Variants in ZNF267 observed in about 807,000 individuals in gnomAD.
The protein encoded by ZNF267 is zinc finger protein 267.
Under a neutral mutation model 71.6 loss-of-function variants are expected in ZNF267, and 61 were observed. The ratio of observed to expected loss-of-function variants is 0.85; its 90% confidence interval spans 0.69 to 1.05. The LOEUF (loss-of-function observed/expected upper bound fraction) is 1.05. ZNF267 is among the 50% of genes least tolerant of loss of function. The probability of loss-of-function intolerance (pLI) is 0.00; values close to 1 mark genes in which losing one functional copy is unlikely to be tolerated. For missense variants in ZNF267, 852 were observed against 870.0 expected, an observed-to-expected ratio of 0.98 and a Z score of 0.26; for synonymous variants, 288 against 293.2, an observed-to-expected ratio of 0.98 and a Z score of 0.18.
Position 31,914,441 on chromosome 16 carries a change from G to A in ZNF267, c.227-35G>A, listed in dbSNP as rs767167857. The stretch of plus-strand genomic sequence containing the variant: ...TGTAAAATATATGTACCTGAATATA[G>A]TAATTGGAATTCTTAAAATTTTTAT... On this transcript the variant is annotated intron_variant, in intron 3 of 3. Coordinates refer to ENST00000300870, the MANE Select transcript of ZNF267 (RefSeq NM_003414.6). 20 of 1,500,622 alleles carry A rather than the reference G, an allele frequency of 1.3e-5. No individual in the cohort carries two copies. The Admixed American group carries it at 4.5e-4, about 34-fold the overall frequency. 93.0% of individuals were successfully genotyped at this position (1,500,622 alleles called of 1,614,324 possible).
intron 1 of ZNF267, 39 bp downstream of exon 1, chr16:31,874,008 G>A (rs1489941534): frequency 6.2e-7 from 1 of 1,600,674 alleles, no homozygotes; most frequent in Non-Finnish European, 8.5e-7. Context: ...AGGGAGGGAG[G>A]GCGGTGGTCG....
At chr16:31,904,806 G>A (rs906686024) in intron 3 of ZNF267, among the ~76,000 whole-genome samples, 2 of 152,152 alleles carry the variant, frequency 1.3e-5, no homozygotes, top group Non-Finnish European at 2.9e-5. Flanking sequence ...ATATTCTTAT[G>A]TGTGAATTTG....
chr16:31,897,153 A>C (rs2084005513), intron 3 of ZNF267, among the ~76,000 whole-genome samples: 1 of 138,486 alleles, frequency 7.2e-6, no homozygotes, highest in Non-Finnish European at 1.6e-5. Context: ...AAAACAAAAC[A>C]AAACAAAAAA....
chr16:31,894,728 ATAG>A (rs1269810073), intron 3 of ZNF267: 1 of 481,276 alleles, frequency 2.1e-6, no homozygotes, highest in African/African-American at 2.0e-5. Flanking sequence ...AAATGCTCTA[ATAG>A]TAGCCTGGTG....
chr16:31,892,714 C>A (rs781261236), intron 3 of ZNF267, among the ~76,000 whole-genome samples: 1 of 152,194 alleles, frequency 6.6e-6, no homozygotes, highest in Non-Finnish European at 1.5e-5. Context: ...GCAGGGCAGT[C>A]AAATCTTAAA....
At chr16:31,886,171 C>T (rs1180229742) in intron 3 of ZNF267, among the ~76,000 whole-genome samples, 1 of 152,136 alleles carries the variant, frequency 6.6e-6, no homozygotes, top group Non-Finnish European at 1.5e-5. Flanking sequence ...ATTTGATATA[C>T]ATACACATTG....
intron 3 of ZNF267, among the ~76,000 whole-genome samples, chr16:31,893,174 C>G (rs2083973174): frequency 6.6e-6 from 1 of 152,256 alleles, no homozygotes; most frequent in Non-Finnish European, 1.5e-5. Context: ...CACGTGAAAG[C>G]TGCCAAGGCT....
chr16:31,901,131 C>T (rs1184634555), intron 3 of ZNF267, among the ~76,000 whole-genome samples: 1 of 152,028 alleles, frequency 6.6e-6, no homozygotes, highest in Non-Finnish European at 1.5e-5. Context: ...GACATGAACT[C>T]ATCATTTTTT....
In ZNF267 at chr16:31,915,169, C is replaced by A; in HGVS notation, c.920C>A (p.Ser307Ter). The change falls in exon 4 of 4, where the codon TCA becomes TAA. Residue 307 changes from serine to a stop codon, truncating the protein, a stop_gained. Transcript: ENST00000300870. LOFTEE classifies it high-confidence loss of function. ...YNKYDKDLSQ[S>*]SNLRKQIIHN... is the part of the protein sequence containing the mutation. ...AAATATGATAAAGATCTTAGTCAGTCATCAAATCTTAGAAAGCAGATAATC... is the reference window on the plus strand; with the variant it reads ...AAATATGATAAAGATCTTAGTCAGTAATCAAATCTTAGAAAGCAGATAATC... 6.2e-7 allele frequency: 1 copy of A among 1,612,812 alleles called. No homozygotes were observed. The highest frequency in any genetic ancestry group is 1.1e-5 in the South Asian group (1 of 90,774).
intron 3 of ZNF267, among the ~76,000 whole-genome samples, chr16:31,905,463 T>G (rs1243500906): frequency 6.6e-6 from 1 of 152,190 alleles, no homozygotes; most frequent in Non-Finnish European, 1.5e-5. Context: ...AATCCCATAT[T>G]TCTTGGAGGC....
chr16:31,916,108 T>C lies in ZNF267; in HGVS notation c.1859T>C (p.Ile620Thr), dbSNP rs1326494603. ...GKAFSYSSDV[I>T]QHRRIHTGQR... is the part of the protein sequence containing the mutation. ...GCCTTTAGTTATAGTTCAGATGTTA[T>C]TCAGCATCGGAGAATTCATACTGGC... is the stretch of plus-strand genomic sequence containing the variant. Residue 620 changes from isoleucine (I) to threonine (T), a missense_variant, in exon 4 of 4, where the codon ATT becomes ACT. By Grantham distance (89) the Ile-to-Thr change is moderately conservative. Coordinates refer to ENST00000300870, the MANE Select transcript of ZNF267 (RefSeq NM_003414.6). 23 of 1,613,976 alleles carry C rather than the reference T, an allele frequency of 1.4e-5. No individual in the cohort carries two copies. The highest frequency in any genetic ancestry group is 1.8e-5 in the Non-Finnish European group (21 of 1,180,016).
intron 2 of ZNF267, 39 bp from the exon 3 acceptor site, chr16:31,885,122 C>T (rs2083914995): frequency 6.7e-7 from 1 of 1,501,104 alleles, no homozygotes; most frequent in African/African-American, 1.4e-5. Context: ...ATAAAAAGAA[C>T]CCTCATTAAG....
intron 3 of ZNF267, among the ~76,000 whole-genome samples, chr16:31,888,215 G>C (rs766014674): frequency 1.3e-5 from 2 of 151,736 alleles, no homozygotes; most frequent in Non-Finnish European, 2.9e-5. Context: ...TATTTTTGTG[G>C]CCTCAACTTT....
chr16:31,896,967 T>C (rs1256960117), intron 3 of ZNF267, among the ~76,000 whole-genome samples: 1 of 152,072 alleles, frequency 6.6e-6, no homozygotes, highest in East Asian at 1.9e-4. Context: ...GTAGTTTTAA[T>C]GTAGGAATAT....
At chr16:31,881,977 G>T (rs2083893679) in intron 1 of ZNF267, among the ~76,000 whole-genome samples, 1 of 152,088 alleles carries the variant, frequency 6.6e-6, no homozygotes, top group African/African-American at 2.4e-5. Context: ...AGAAATTCTT[G>T]TGAACTAAAC....
intron 3 of ZNF267, chr16:31,913,488 C>T (rs753640697): frequency 1.3e-5 from 2 of 152,322 alleles, no homozygotes; most frequent in Non-Finnish European, 2.9e-5. Context: ...AGACCTTAGG[C>T]CTCTACAATC....
chr16:31,887,003 C>T (rs892061646), intron 3 of ZNF267, among the ~76,000 whole-genome samples: 2 of 152,108 alleles, frequency 1.3e-5, no homozygotes, highest in Non-Finnish European at 2.9e-5. Flanking sequence ...GTTTTCTTTT[C>T]TCCACACTCT....
chr16:31,889,724 C>T (rs1030940125), intron 3 of ZNF267, among the ~76,000 whole-genome samples: 16 of 152,186 alleles, frequency 1.1e-4, no homozygotes, highest in Non-Finnish European at 2.9e-5. Context: ...GAGCACCAGA[C>T]TAAGTTGGGA....
chr16:31,890,190 T>C (rs1415714917), intron 3 of ZNF267: 2 of 152,208 alleles, frequency 1.3e-5, no homozygotes, highest in African/African-American at 2.4e-5. Flanking sequence ...AAATATTCCA[T>C]GCTTTGTTGT....
Sources: allele counts gnomAD v4.1 joint callset (sites outside exome capture counted in the v4.1 genomes callset), GRCh38; gene constraint gnomAD v4.1.1; transcripts MANE v1.5; gene names NCBI Gene and HGNC (gene_info 2026-07-23, HGNC 2026-07-21).